SKOR1: variants seen among roughly 807,000 people sequenced by gnomAD.
The protein encoded by SKOR1 is SKI family transcriptional corepressor 1.
In SKOR1, 38 loss-of-function variants were observed where a neutral mutation model predicts 72.4. That is an observed-to-expected ratio of 0.52 (90% confidence interval 0.40 to 0.69). The LOEUF (loss-of-function observed/expected upper bound fraction) is 0.69. Ranked by LOEUF, SKOR1 falls within the 30% of genes least tolerant of loss-of-function variation. The probability of loss-of-function intolerance (pLI) is 0.00; values close to 1 mark genes in which losing one functional copy is unlikely to be tolerated. For synonymous variants in SKOR1, 642 were observed against 599.4 expected, an observed-to-expected ratio of 1.07 and a Z score of -1.04; for missense variants, 1,320 against 1,343.2, an observed-to-expected ratio of 0.98 and a Z score of 0.27.
Position 67,827,022 on chromosome 15 carries a change from C to T in SKOR1, c.1194C>T (p.Gly398=). Residue 398 remains glycine (G), a synonymous_variant, in exon 2 of 9, where the codon GGC becomes GGT. Coordinates refer to ENST00000380035, the MANE Select transcript of SKOR1 (RefSeq NM_001365915.1). ...CACCACTTTTCCCCCATCCTTACGG[C>T]TTCCCTACGGCCTTCGGCCTATGCC... ...LPPPLFPHPY[G]FPTAFGLCPK... is the part of the protein sequence containing the mutation. 1 of 1,592,508 alleles carries T rather than the reference C, an allele frequency of 6.3e-7. No homozygotes were observed. The highest frequency in any genetic ancestry group is 8.5e-7 in the Non-Finnish European group (1 of 1,177,212).
In SKOR1 at chr15:67,834,582, A is replaced by G. The variant is rs2091033398; in HGVS notation, c.*746A>G. On this transcript the variant is annotated 3_prime_UTR_variant, in exon 9 of 9. Transcript: ENST00000380035. The surrounding 1 kb of genome is among the most constrained non-coding windows in gnomAD (Gnocchi z 5.8). ...AATAAAAGATGTCACTTCTGGGGCT[A>G]CGGAGGTGGGAGTGCACCGGCGGAG... 6.6e-6 allele frequency: 1 copy of G among 151,954 alleles called. No individual in the cohort carries two copies. The highest frequency in any genetic ancestry group is 1.5e-5 in the Non-Finnish European group (1 of 67,996). The allele number at this position is 151,954 out of a possible 1,614,324, so 9.4% of individuals were successfully genotyped here.
Position 67,827,470 on chromosome 15 carries a change from G to C in SKOR1, c.1642G>C (p.Gly548Arg), listed in dbSNP as rs893093147. Residue 548 changes from glycine to arginine, a missense_variant, in exon 2 of 9, where the codon GGC (glycine) becomes CGC (arginine). By Grantham distance (125) the Gly-to-Arg change is moderately radical. Transcript: ENST00000380035. ...CGAGCCAGCCAAAGAGAGTGGCCTC[G>C]GCGCGGAGGAGCGCTGCCCGAGCGC... is the stretch of plus-strand genomic sequence containing the variant. ...GAEPAKESGL[G>R]AEERCPSALS... 2.6e-6 allele frequency: 4 copies of C among 1,520,950 alleles called. No homozygotes were observed. The highest frequency in any genetic ancestry group is 2.0e-5 in the Admixed American group (1 of 49,662). The allele number at this position is 1,520,950 out of a possible 1,614,324, so 94.2% of individuals were successfully genotyped here.
At chr15:67,830,677 C>G in intron 4 of SKOR1, 141 bp from the exon 5 acceptor site, 1 of 798,324 alleles carries the variant, frequency 1.3e-6, no homozygotes, top group African/African-American at 1.7e-5. Context: ...GTGGATAGTA[C>G]TGGATTCCTG....
intron 5 of SKOR1, among the ~76,000 whole-genome samples, chr15:67,831,839 T>C (rs985943514): frequency 2.0e-5 from 3 of 149,422 alleles, no homozygotes; most frequent in African/African-American, 7.4e-5. Flanking sequence ...TGTGTATTTT[T>C]CTGGGAAAGG....
Position 67,826,717 on chromosome 15 carries a change from C to T in SKOR1, c.889C>T (p.Gln297Ter), listed in dbSNP as rs555673540. ...CGGTGCCAATGGCGGGTCGGGTGGG[C>T]AGGGGAAGGGTGGTGCTGGCGGCGG... is the stretch of plus-strand genomic sequence containing the variant. ...GGGANGGSGG[Q>*]GKGGAGGGGG... The change falls in exon 2 of 9, where the codon CAG (glutamine) becomes TAG (stop). Residue 297 changes from glutamine to a stop codon, truncating the protein, a stop_gained. Coordinates refer to ENST00000380035, the MANE Select transcript of SKOR1 (RefSeq NM_001365915.1). LOFTEE classifies it high-confidence loss of function. 6.5e-7 allele frequency: 1 copy of T among 1,533,948 alleles called. No homozygotes were observed. Among genetic ancestry groups the T allele is most frequent in the Admixed American group, 2.0e-5 (1 of 50,890 alleles).
In SKOR1 at chr15:67,825,542, C is replaced by G; in HGVS notation, c.-61C>G. ...GGCTTCAGGACCCGGGCCGGCAGCACCGGCTGCGAGGGTTGCCGAAGGCGC... is the reference window on the plus strand; with the variant it reads ...GGCTTCAGGACCCGGGCCGGCAGCAGCGGCTGCGAGGGTTGCCGAAGGCGC... On this transcript the variant is annotated 5_prime_UTR_variant, in exon 1 of 9. Transcript: ENST00000380035. The surrounding 1 kb of genome is among the most constrained non-coding windows in gnomAD (Gnocchi z 5.6). 1 of 721,056 alleles carries G rather than the reference C, an allele frequency of 1.4e-6. No homozygotes were observed. Among genetic ancestry groups the G allele is most frequent in the Non-Finnish European group, 2.6e-6 (1 of 386,846 alleles). The allele number at this position is 721,056 out of a possible 1,614,324, so 44.7% of individuals were successfully genotyped here. A position where few individuals can be genotyped will look rare whatever the true frequency, so the allele number is the denominator to read the frequency against.
rs1320446286 is a variant in SKOR1 at position 67,832,532 on chromosome 15, G to T, written c.2663-75G>T. 3 of 1,436,554 alleles carry T rather than the reference G, an allele frequency of 2.1e-6. No individual in the cohort carries two copies. Among genetic ancestry groups the T allele is most frequent in the South Asian group, 2.3e-5 (2 of 85,534 alleles). 89.0% of individuals were successfully genotyped at this position (1,436,554 alleles called of 1,614,324 possible). A position where few individuals can be genotyped will look rare whatever the true frequency, so the allele number is the denominator to read the frequency against. ...GGGAGTTGGGGGTAGGGGTGAAAGGGGGGGCCAGGAGTGAGAAAGTGGAGC... is the reference window on the plus strand; with the variant it reads ...GGGAGTTGGGGGTAGGGGTGAAAGGTGGGGCCAGGAGTGAGAAAGTGGAGC... On this transcript the variant is annotated intron_variant, in intron 6 of 8. Coordinates refer to ENST00000380035, the MANE Select transcript of SKOR1 (RefSeq NM_001365915.1). The surrounding 1 kb of genome is among the most constrained non-coding windows in gnomAD (Gnocchi z 4.5).
rs1226631505 is a variant in SKOR1 at position 67,825,547 on chromosome 15, T to G, written c.-56T>G. ...CAGGACCCGGGCCGGCAGCACCGGC[T>G]GCGAGGGTTGCCGAAGGCGCACGGA... On this transcript the variant is annotated 5_prime_UTR_variant, in exon 1 of 9. Transcript: ENST00000380035. This position sits in a 1 kb window ranked among gnomAD's most constrained non-coding sequence, Gnocchi z 5.6. 2.1e-5 allele frequency: 15 copies of G among 708,290 alleles called. No homozygotes were observed. Among genetic ancestry groups the G allele is most frequent in the Non-Finnish European group, 5.3e-6 (2 of 378,468 alleles). 43.9% of individuals were successfully genotyped at this position (708,290 alleles called of 1,614,324 possible). A position where few individuals can be genotyped will look rare whatever the true frequency, so the allele number is the denominator to read the frequency against.
rs1415946439 is a variant in SKOR1, at chr15:67,827,673, G to A, written c.1845G>A (p.Ala615=). 2.0e-6 allele frequency: 3 copies of A among 1,533,080 alleles called. No homozygotes were observed. The highest frequency in any genetic ancestry group is 1.8e-6 in the Non-Finnish European group (2 of 1,141,944). 95.0% of individuals were successfully genotyped at this position (1,533,080 alleles called of 1,614,324 possible). A position where few individuals can be genotyped will look rare whatever the true frequency, so the allele number is the denominator to read the frequency against. The change falls in exon 2 of 9, where the codon GCG becomes GCA. Residue 615 remains alanine, a synonymous_variant. Transcript: ENST00000380035. ...IAKLYGSARE[A]YGAGPARGPG... ...AGCTCTACGGGAGCGCCCGGGAGGCGTACGGCGCGGGGCCTGCTCGGGGGC... is the reference window on the plus strand; with the variant it reads ...AGCTCTACGGGAGCGCCCGGGAGGCATACGGCGCGGGGCCTGCTCGGGGGC...
In SKOR1 at chr15:67,834,052, C is replaced by A. The variant is rs1403583059; in HGVS notation, c.*216C>A. On this transcript the variant is annotated 3_prime_UTR_variant, in exon 9 of 9. Coordinates refer to ENST00000380035, the MANE Select transcript of SKOR1 (RefSeq NM_001365915.1). This position sits in a 1 kb window ranked among gnomAD's most constrained non-coding sequence, Gnocchi z 5.8. ...CCGGCTTGGTTTCCAAGTGTAAATA[C>A]CGCCTCGCGCCTCAAATCCCCCTAC... 1.7e-6 allele frequency: 1 copy of A among 601,120 alleles called. No individual in the cohort carries two copies. 37.2% of individuals were successfully genotyped at this position (601,120 alleles called of 1,614,324 possible).
rs756062247 is a variant in SKOR1 at position 67,833,840 on chromosome 15, C to T, written c.*4C>T. On this transcript the variant is annotated 3_prime_UTR_variant, in exon 9 of 9. Transcript: ENST00000380035. This position sits in a 1 kb window ranked among gnomAD's most constrained non-coding sequence, Gnocchi z 6.0. ...CAAGCCACCGCTGTTGCCCTAGGGC[C>T]GGCCTGGCCGCACCCCTGCGCCCTC... 1.2e-6 allele frequency: 2 copies of T among 1,607,676 alleles called. No individual in the cohort carries two copies. The highest frequency in any genetic ancestry group is 2.2e-5 in the South Asian group (2 of 91,088).
Position 67,825,780 on chromosome 15 carries a change from A to T in SKOR1, c.107+71A>T. ...TAACGGCGCCAACATGGGTCTGAGTAACAAAAGACGCCTGTCCAGGGGGTG... is the reference window on the plus strand; with the variant it reads ...TAACGGCGCCAACATGGGTCTGAGTTACAAAAGACGCCTGTCCAGGGGGTG... On this transcript the variant is annotated intron_variant, in intron 1 of 8. Coordinates refer to ENST00000380035, the MANE Select transcript of SKOR1 (RefSeq NM_001365915.1). This position sits in a 1 kb window ranked among gnomAD's most constrained non-coding sequence, Gnocchi z 5.6. 1 of 1,400,958 alleles carries T rather than the reference A, an allele frequency of 7.1e-7. No homozygotes were observed. The highest frequency in any genetic ancestry group is 9.9e-7 in the Non-Finnish European group (1 of 1,006,030). 86.8% of individuals were successfully genotyped at this position (1,400,958 alleles called of 1,614,324 possible).
Position 67,833,057 on chromosome 15 carries a change from G to C in SKOR1, c.2738-135G>C. ...CGCCAGTCTGCAGTTAGGAGCTCCG[G>C]TACCCCCTCCCCCATCCCTGGAGTT... On this transcript the variant is annotated intron_variant, in intron 7 of 8. Transcript: ENST00000380035. This position sits in a 1 kb window ranked among gnomAD's most constrained non-coding sequence, Gnocchi z 6.0. 1.1e-6 allele frequency: 1 copy of C among 876,136 alleles called. No individual in the cohort carries two copies. The highest frequency in any genetic ancestry group is 2.7e-5 in the East Asian group (1 of 37,682). The allele number at this position is 876,136 out of a possible 1,614,324, so 54.3% of individuals were successfully genotyped here. A position where few individuals can be genotyped will look rare whatever the true frequency, so the allele number is the denominator to read the frequency against.
At chr15:67,829,154 G>T (rs1236154634) in intron 2 of SKOR1, 25 bp from the exon 3 acceptor site, 23 of 1,521,628 alleles carry the variant, frequency 1.5e-5, no homozygotes, top group African/African-American at 2.8e-5. Flanking sequence ...CACCCTAATC[G>T]CCTGTCATTT....
Position 67,832,392 on chromosome 15 carries a change from T to A in SKOR1, c.2662+44T>A. 6 of 1,605,708 alleles carry A rather than the reference T, an allele frequency of 3.7e-6. No individual in the cohort carries two copies. The highest frequency in any genetic ancestry group is 5.1e-6 in the Non-Finnish European group (6 of 1,173,164). ...CCTCACCCCACCTCATCACCGAGCC[T>A]TCCACCAGGGTGCCCCGACCTACTC... On this transcript the variant is annotated intron_variant, in intron 6 of 8. Coordinates refer to ENST00000380035, the MANE Select transcript of SKOR1 (RefSeq NM_001365915.1). The surrounding 1 kb of genome is among the most constrained non-coding windows in gnomAD (Gnocchi z 4.5).
In SKOR1 at chr15:67,833,196, C is replaced by T; in HGVS notation, c.2742C>T (p.Thr914=). Residue 914 remains threonine, a synonymous_variant, in exon 8 of 9, where the codon ACC becomes ACT. Coordinates refer to ENST00000380035, the MANE Select transcript of SKOR1 (RefSeq NM_001365915.1). This position sits in a 1 kb window ranked among gnomAD's most constrained non-coding sequence, Gnocchi z 6.0. ...GCCCCTCCCCTTGTCTTCCAGATAC[C>T]CTGTGTAACGAACTCGACCAGGAGC... The part of the protein sequence containing the change: ...MVQQLQIVRD[T]LCNELDQERK... The T allele has an allele frequency of 1.2e-6, 2 of 1,614,066 alleles. No homozygotes were observed. Among genetic ancestry groups the T allele is most frequent in the Non-Finnish European group, 1.7e-6 (2 of 1,180,004 alleles).
rs769387524 is a variant in SKOR1, at chr15:67,827,325, G to A, written c.1497G>A (p.Pro499=). 6.3e-7 allele frequency: 1 copy of A among 1,589,688 alleles called. No individual in the cohort carries two copies. The highest frequency in any genetic ancestry group is 8.5e-7 in the Non-Finnish European group (1 of 1,175,736). ...PMFWPAAGSL[P]VPSYPAAQSQ... is the part of the protein sequence containing the mutation. ...TCTGGCCAGCAGCAGGCAGCCTCCC[G>A]GTACCGTCCTACCCCGCTGCTCAGA... Residue 499 remains proline (P), a synonymous_variant, in exon 2 of 9, where the codon CCG becomes CCA. Transcript: ENST00000380035.
Position 67,827,703 on chromosome 15 carries a change from A to T in SKOR1, c.1875A>T (p.Gly625=). 6.5e-7 allele frequency: 1 copy of T among 1,538,636 alleles called. No homozygotes were observed. Among genetic ancestry groups the T allele is most frequent in the Non-Finnish European group, 8.8e-7 (1 of 1,142,020 alleles). The change falls in exon 2 of 9, where the codon GGA becomes GGT. Residue 625 remains glycine, a synonymous_variant. Transcript: ENST00000380035. The part of the protein sequence containing the change: ...AYGAGPARGP[G]PGAGSGGYVS... ...GCGCGGGGCCTGCTCGGGGGCCGGG[A>T]CCCGGCGCTGGGAGCGGCGGCTACG...
chr15:67,834,486 A>G lies in SKOR1; in HGVS notation c.*650A>G, dbSNP rs904276724. 1.3e-5 allele frequency: 2 copies of G among 152,998 alleles called. No individual in the cohort carries two copies. Among genetic ancestry groups the G allele is most frequent in the African/African-American group, 4.8e-5 (2 of 41,406 alleles). 9.5% of individuals were successfully genotyped at this position (152,998 alleles called of 1,614,324 possible). On this transcript the variant is annotated 3_prime_UTR_variant, in exon 9 of 9. Coordinates refer to ENST00000380035, the MANE Select transcript of SKOR1 (RefSeq NM_001365915.1). The surrounding 1 kb of genome is among the most constrained non-coding windows in gnomAD (Gnocchi z 5.8). ...GCGACAACTGACTCACGAGATGGCA[A>G]CCACCTGGAGCCTGTTTGGGGAGAC...
Sources: gnomAD v4.1 joint callset for allele counts (sites outside exome capture counted in the v4.1 genomes callset) on GRCh38, gnomAD v4.1.1 for gene constraint, Gnocchi (gnomAD v3.1) non-coding constraint, MANE v1.5 for transcripts, NCBI Gene and HGNC (gene_info 2026-07-23, HGNC 2026-07-21) for gene names.